DENND2C: variants seen among roughly 807,000 people sequenced by gnomAD.
DENND2C encodes DENN domain containing 2C.
Under a neutral mutation model 112.4 loss-of-function variants are expected in DENND2C, and 72 were observed. That is an observed-to-expected ratio of 0.64 (90% CI 0.53 to 0.78). The LOEUF (loss-of-function observed/expected upper bound fraction) is 0.78. Ranked by LOEUF, DENND2C falls within the 30% of genes least tolerant of loss-of-function variation. DENND2C has a pLI of 0.00. For synonymous variants in DENND2C, 329 were observed against 381.6 expected (o/e 0.86, Z 1.61); for missense variants, 992 against 1,113.8 (o/e 0.89, Z 1.56).
chr1:114,651,698 C>G (rs1657170271), intron 2 of DENND2C, among the ~76,000 whole-genome samples: 1 of 152,296 alleles, frequency 6.6e-6, no homozygotes, highest in Non-Finnish European at 1.5e-5. Flanking sequence ...GATCACGCCA[C>G]TGCACTCTAG....
At chr1:114,655,751 T>C (rs1657287728) in intron 1 of DENND2C, among the ~76,000 whole-genome samples, 1 of 151,992 alleles carries the variant, frequency 6.6e-6, no homozygotes. Context: ...CCCAAAGTGC[T>C]GGGATTATAG....
At chr1:114,650,343 T>G (rs1346714188) in intron 2 of DENND2C, among the ~76,000 whole-genome samples, 1 of 147,810 alleles carries the variant, frequency 6.8e-6, no homozygotes, top group Non-Finnish European at 1.5e-5. Flanking sequence ...AAAGATGCAA[T>G]TTTCAAGAAT....
At chr1:114,645,233 A>G (rs1283077347) in intron 3 of DENND2C, among the ~76,000 whole-genome samples, 1 of 152,192 alleles carries the variant, frequency 6.6e-6, no homozygotes, top group Non-Finnish European at 1.5e-5. Context: ...CCTAACCCCC[A>G]GCACCTCAGA....
chr1:114,648,199 C>T (rs190922556), intron 2 of DENND2C, among the ~76,000 whole-genome samples: 13 of 152,326 alleles, frequency 8.5e-5, no homozygotes, highest in Non-Finnish European at 1.8e-4. Flanking sequence ...GAAGCTGAAG[C>T]TGAACTGGTT....
chr1:114,618,525 A>G (rs1280964479), intron 7 of DENND2C, 43 bp from the exon 8 acceptor site: 2 of 1,216,174 alleles, frequency 1.6e-6, no homozygotes, highest in South Asian at 1.5e-5. Context: ...CCAACACCCA[A>G]AAGTTTCACA....
intron 3 of DENND2C, among the ~76,000 whole-genome samples, chr1:114,641,406 T>A (rs1386463530): frequency 6.6e-6 from 1 of 152,138 alleles, no homozygotes; most frequent in Admixed American, 6.6e-5. Flanking sequence ...TGAAATCTGA[T>A]CTCCAATGTT....
chr1:114,635,026 T>TA (rs374636363), intron 3 of DENND2C, among the ~76,000 whole-genome samples: 10,935 of 94,524 alleles, frequency 0.12, 635 homozygotes, highest in Admixed American at 0.15. Context: ...AGACTCCGTC[T>TA]AAAAAAAAAA....
At position 114,625,706 on chromosome 1, in the gene DENND2C, A is replaced by G; in HGVS notation, c.279T>C (p.Ser93=). 1.9e-6 allele frequency: 3 copies of G among 1,613,788 alleles called. No individual in the cohort carries two copies. Among genetic ancestry groups the G allele is most frequent in the Admixed American group, 1.7e-5 (1 of 59,986 alleles). ...INENTKSHDQ[S]ENENKKHEYD... Reference sequence around the variant, plus strand: ...ATTCATGTTTCTTATTTTCATTCTCACTTTGATCATGGCTTTTGGTATTTT... The same window carrying G: ...ATTCATGTTTCTTATTTTCATTCTCGCTTTGATCATGGCTTTTGGTATTTT... The change falls in exon 4 of 21, where the codon AGT becomes AGC. Residue 93 remains serine (S), a synonymous_variant. Coordinates refer to ENST00000393274, the MANE Select transcript of DENND2C (RefSeq NM_001256404.2).
intron 10 of DENND2C, among the ~76,000 whole-genome samples, chr1:114,607,792 A>T (rs1570767357): frequency 1.3e-5 from 2 of 152,242 alleles, no homozygotes. Flanking sequence ...TATTGAGTAC[A>T]TACTATGTGC....
At chr1:114,611,149 T>G (rs763924085) in intron 8 of DENND2C, 32 bp from the exon 9 acceptor site, 6 of 1,613,224 alleles carry the variant, frequency 3.7e-6, no homozygotes, top group South Asian at 1.1e-5. Context: ...CCATTTGTAT[T>G]GTCCAACAGT....
rs1020733840 is a variant in DENND2C at position 114,653,502 on chromosome 1, T to C, written c.-317+1003A>G. Among the ~76,000 whole-genome samples, 14 of 152,186 alleles carry C rather than the reference T, an allele frequency of 9.2e-5. 1 individual carries two copies. Among genetic ancestry groups the C allele is most frequent in the African/African-American group, 3.1e-4 (13 of 41,424 alleles). ...AACAAGACTCAAGATTTTTATAAGATTGAATTTTTTGGTCCCCATTTATTA... is the reference window on the plus strand; with the variant it reads ...AACAAGACTCAAGATTTTTATAAGACTGAATTTTTTGGTCCCCATTTATTA... On this transcript the variant is annotated intron_variant, in intron 2 of 20. Coordinates refer to ENST00000393274, the MANE Select transcript of DENND2C (RefSeq NM_001256404.2).
chr1:114,644,501 G>A (rs914788872), intron 3 of DENND2C, among the ~76,000 whole-genome samples: 3 of 152,156 alleles, frequency 2.0e-5, no homozygotes, highest in Admixed American at 6.5e-5. Flanking sequence ...ATTACTTTAA[G>A]TGCCTCCAAT....
intron 3 of DENND2C, among the ~76,000 whole-genome samples, chr1:114,632,419 T>C (rs547768100): frequency 6.6e-6 from 1 of 151,108 alleles, no homozygotes; most frequent in Non-Finnish European, 1.5e-5. Context: ...AGAAAAAAAA[T>C]ATATATACAG....
At chr1:114,621,439 A>G (rs1252984413) in intron 7 of DENND2C, among the ~76,000 whole-genome samples, 4 of 152,138 alleles carry the variant, frequency 2.6e-5, no homozygotes, top group African/African-American at 9.7e-5. Flanking sequence ...CAAGTAATAG[A>G]TTTGTTTTTT....
intron 1 of DENND2C, among the ~76,000 whole-genome samples, chr1:114,660,438 C>T (rs1024728933): frequency 6.6e-6 from 1 of 152,132 alleles, no homozygotes; most frequent in Non-Finnish European, 1.5e-5. Flanking sequence ...AGGGAAAGCT[C>T]CAAGCTTTCC....
At chr1:114,665,804 C>A (rs554660685) in intron 1 of DENND2C, among the ~76,000 whole-genome samples, 1 of 152,308 alleles carries the variant, frequency 6.6e-6, no homozygotes, top group East Asian at 1.9e-4. Flanking sequence ...CTTCTACTTA[C>A]ATAAAGCAAA....
intron 3 of DENND2C, among the ~76,000 whole-genome samples, chr1:114,630,143 T>C (rs991642580): frequency 1.3e-5 from 2 of 151,610 alleles, no homozygotes; most frequent in Non-Finnish European, 2.9e-5. Context: ...TGAAACCCCA[T>C]CTCTACTAAA....
intron 13 of DENND2C, 118 bp downstream of exon 13, chr1:114,601,390 C>T: frequency 3.2e-6 from 3 of 936,848 alleles, no homozygotes; most frequent in Admixed American, 2.4e-5. Flanking sequence ...CCTTCAGGCA[C>T]GTGGTTCCTA....
intron 8 of DENND2C, 58 bp downstream of exon 8, chr1:114,618,328 G>T: frequency 7.9e-7 from 1 of 1,271,412 alleles, no homozygotes; most frequent in Non-Finnish European, 1.1e-6. Context: ...GTTATATGGT[G>T]ATTCTCCTCT....
Sources: gnomAD v4.1 joint callset for allele counts (sites outside exome capture counted in the v4.1 genomes callset) on GRCh38, gnomAD v4.1.1 for gene constraint, MANE v1.5 for transcripts, NCBI Gene and HGNC (gene_info 2026-07-23, HGNC 2026-07-21) for gene names.